BDH2: variants seen among roughly 807,000 people sequenced by gnomAD.
BDH2 encodes 3-hydroxybutyrate dehydrogenase 2.
In BDH2, 24 loss-of-function variants were observed where a neutral mutation model predicts 33.2. That is an observed-to-expected ratio of 0.72 (90% CI 0.52 to 1.02). The LOEUF (loss-of-function observed/expected upper bound fraction) is 1.02. BDH2 is among the 50% of genes least tolerant of loss of function. The probability of loss-of-function intolerance (pLI) is 0.00; values close to 1 mark genes in which losing one functional copy is unlikely to be tolerated. For missense variants in BDH2, 249 were observed against 301.6 expected, an observed-to-expected ratio of 0.83 and a Z score of 1.29; for synonymous variants, 81 against 101.6, an observed-to-expected ratio of 0.80 and a Z score of 1.22.
intron 5 of BDH2, among the ~76,000 whole-genome samples, chr4:103,089,327 G>A (rs1210356880): frequency 1.3e-5 from 2 of 152,186 alleles, no homozygotes; most frequent in Non-Finnish European, 2.9e-5. Context: ...TATGGCACAT[G>A]GCCAATTAGG....
At chr4:103,087,207 G>A (rs114865310) in intron 5 of BDH2, among the ~76,000 whole-genome samples, 3,387 of 152,320 alleles carry the variant, frequency 0.022, 62 homozygotes, top group Non-Finnish European at 0.032. Context: ...TCGGGAACTG[G>A]GAGGAGGGGC....
intron 7 of BDH2, 85 bp from the exon 8 acceptor site, chr4:103,083,014 T>C (rs1747599918): frequency 2.5e-6 from 3 of 1,197,942 alleles, no homozygotes; most frequent in Non-Finnish European, 3.7e-6. Flanking sequence ...CATATGACAA[T>C]CAGTGAGATT....
At chr4:103,083,667 G>A (rs1747628850) in intron 7 of BDH2, among the ~76,000 whole-genome samples, 1 of 141,222 alleles carries the variant, frequency 7.1e-6, no homozygotes, top group African/African-American at 2.8e-5. Flanking sequence ...TCTCTTTAGA[G>A]GGCCCTTTTT....
intron 3 of BDH2, among the ~76,000 whole-genome samples, chr4:103,093,837 A>G (rs991181987): frequency 1.1e-4 from 16 of 150,790 alleles, no homozygotes; most frequent in African/African-American, 3.9e-4. Flanking sequence ...TAAAAGATTC[A>G]TAAAGAAAGG....
intron 8 of BDH2, among the ~76,000 whole-genome samples, chr4:103,082,537 C>T (rs1161256803): frequency 6.6e-6 from 1 of 152,062 alleles, no homozygotes; most frequent in East Asian, 1.9e-4. Context: ...TGTCCATCTC[C>T]AGAACTCTTA....
chr4:103,081,810 T>C (rs547937180), intron 9 of BDH2, among the ~76,000 whole-genome samples: 2 of 152,248 alleles, frequency 1.3e-5, no homozygotes, highest in Non-Finnish European at 2.9e-5. Context: ...TGAAAGGAAC[T>C]GTCTCTCAGA....
chr4:103,091,704 C>T (rs1748102489), intron 4 of BDH2: 1 of 455,770 alleles, frequency 2.2e-6, no homozygotes. Flanking sequence ...ATGATCATTC[C>T]ACTGCCCTCT....
At chr4:103,097,899 A>G (rs747446940) in intron 1 of BDH2, 1 of 152,142 alleles carries the variant, frequency 6.6e-6, no homozygotes, top group Non-Finnish European at 1.5e-5. Context: ...TAAAGGGCTT[A>G]TATTACCTAG....
In BDH2 at chr4:103,085,375, C is replaced by G; in HGVS notation, c.506G>C (p.Gly169Ala). ...TGGGCACACACAGTTGCACCTGATG[C>G]CCTGCTGGATGAAATCTGCAGCCAC... is the stretch of plus-strand genomic sequence containing the variant. ...KSVAADFIQQ[G>A]IRCNCVCPGT... The change falls in exon 7 of 10, where the codon GGC (glycine) becomes GCC (alanine). Residue 169 changes from glycine to alanine, a missense_variant. By Grantham distance (60) the Gly-to-Ala change is moderately conservative (BLOSUM62 0). Coordinates refer to ENST00000296424, the MANE Select transcript of BDH2 (RefSeq NM_020139.4). 1 of 1,611,236 alleles carries G rather than the reference C, an allele frequency of 6.2e-7. No individual in the cohort carries two copies. The highest frequency in any genetic ancestry group is 8.5e-7 in the Non-Finnish European group (1 of 1,179,390).
chr4:103,091,224 G>C lies in BDH2; in HGVS notation c.310C>G (p.Leu104Val). ...EEKDWDFSMN[L>V]NVRSMYLMIK... Reference sequence around the variant, plus strand: ...ATCAGGTACATGCTGCGCACATTGAGATTCATCGAGAAGTCCCAGTCTTTC... The same window carrying C: ...ATCAGGTACATGCTGCGCACATTGACATTCATCGAGAAGTCCCAGTCTTTC... Residue 104 changes from leucine to valine, a missense_variant, in exon 5 of 10, where the codon CTC becomes GTC. Physicochemically the swap from Leu to Val is conservative, Grantham distance 32 (BLOSUM62 1). Coordinates refer to ENST00000296424, the MANE Select transcript of BDH2 (RefSeq NM_020139.4). 1 of 1,613,336 alleles carries C rather than the reference G, an allele frequency of 6.2e-7. No individual in the cohort carries two copies. Among genetic ancestry groups the C allele is most frequent in the Non-Finnish European group, 8.5e-7 (1 of 1,179,764 alleles).
In BDH2 at chr4:103,092,458, T is replaced by C. The variant is rs557221519; in HGVS notation, c.248+142A>G. The C allele has an allele frequency of 1.3e-4, 85 of 644,050 alleles. No individual in the cohort carries two copies. The African/African-American group carries it at 1.5e-3, about 12-fold the overall frequency. 39.9% of individuals were successfully genotyped at this position (644,050 alleles called of 1,614,324 possible). On this transcript the variant is annotated intron_variant, in intron 4 of 9. Coordinates refer to ENST00000296424, the MANE Select transcript of BDH2 (RefSeq NM_020139.4). The stretch of plus-strand genomic sequence containing the variant: ...TGCTGAATTTTATGTGTAATGAAAA[T>C]GCTGTGTAAAATCTAGCCATATTTC...
At chr4:103,084,015 C>T (rs1371742472) in intron 7 of BDH2, among the ~76,000 whole-genome samples, 1 of 152,204 alleles carries the variant, frequency 6.6e-6, no homozygotes, top group Non-Finnish European at 1.5e-5. Flanking sequence ...CTTCTACCTT[C>T]ACACTACAGG....
chr4:103,085,232 A>G, intron 7 of BDH2, 117 bp downstream of exon 7: 1 of 751,614 alleles, frequency 1.3e-6, no homozygotes, highest in Non-Finnish European at 2.2e-6. Context: ...TGTTGCAACT[A>G]TTATACTAAA....
At chr4:103,099,340 T>G (rs1748544430) in intron 1 of BDH2, 1 of 152,150 alleles carries the variant, frequency 6.6e-6, no homozygotes. Context: ...GCCTTAACAT[T>G]TGATAAACTG....
chr4:103,095,877 C>A (rs956781342), intron 2 of BDH2, among the ~76,000 whole-genome samples: 2 of 152,118 alleles, frequency 1.3e-5, no homozygotes, highest in African/African-American at 4.8e-5. Context: ...AGCTGTGTAA[C>A]CCTGTTTGCC....
chr4:103,082,030 TG>T, intron 9 of BDH2, 50 bp downstream of exon 9: 1 of 1,449,042 alleles, frequency 6.9e-7, no homozygotes, highest in Non-Finnish European at 9.7e-7. Flanking sequence ...GAGCAAATTG[TG>T]GCCAAATGTG....
chr4:103,081,641 A>G (rs1747531492), intron 9 of BDH2, among the ~76,000 whole-genome samples: 1 of 152,232 alleles, frequency 6.6e-6, no homozygotes, highest in African/African-American at 2.4e-5. Context: ...GAATTCTCCC[A>G]AACAAGTCAC....
chr4:103,085,437 G>A lies in BDH2; in HGVS notation c.444C>T (p.Ser148=). ...GGCCAATCACGGCTGCCTTGGTTGTGCTGTACACACATCTGTTCACAACTC... is the reference window on the plus strand; with the variant it reads ...GGCCAATCACGGCTGCCTTGGTTGTACTGTACACACATCTGTTCACAACTC... ...VKGVVNRCVY[S]TTKAAVIGLT... is the part of the protein sequence containing the mutation. Residue 148 remains serine (S), a synonymous_variant, in exon 7 of 10, where the codon AGC becomes AGT. Transcript: ENST00000296424. 6.2e-7 allele frequency: 1 copy of A among 1,613,194 alleles called. No individual in the cohort carries two copies. Among genetic ancestry groups the A allele is most frequent in the South Asian group, 1.1e-5 (1 of 90,960 alleles).
chr4:103,083,019 G>A, intron 7 of BDH2, 90 bp from the exon 8 acceptor site: 1 of 1,169,680 alleles, frequency 8.5e-7, no homozygotes, highest in Admixed American at 1.7e-5. Flanking sequence ...GACAATCAGT[G>A]AGATTCTTCT....
Sources: allele counts gnomAD v4.1 joint callset (sites outside exome capture counted in the v4.1 genomes callset), GRCh38; gene constraint gnomAD v4.1.1; transcripts MANE v1.5; gene names NCBI Gene and HGNC (gene_info 2026-07-23, HGNC 2026-07-21).